Variants in AKNAD1 observed in about 807,000 individuals in gnomAD.
The protein encoded by AKNAD1 is protein AKNAD1.
Under a neutral mutation model 90.8 loss-of-function variants are expected in AKNAD1, and 67 were observed. The observed-to-expected ratio is 0.74, with a 90% CI of 0.61 to 0.90. The LOEUF (loss-of-function observed/expected upper bound fraction) is 0.90. AKNAD1 is among the 40% of genes least tolerant of loss of function. The pLI is 0.00. For synonymous variants in AKNAD1, 327 were observed against 341.4 expected (o/e 0.96, Z 0.46); for missense variants, 957 against 975.4 (o/e 0.98, Z 0.25).
At chr1:108,823,805 A>G (rs1284979509) in intron 11 of AKNAD1, 117 bp from the exon 12 acceptor site, 1 of 1,497,804 alleles carries the variant, frequency 6.7e-7, no homozygotes. Flanking sequence ...CAAAGTGCTT[A>G]ATGTCCCGGC....
At chr1:108,850,562 G>A (rs1333241177) in intron 2 of AKNAD1, among the ~76,000 whole-genome samples, 2 of 152,100 alleles carry the variant, frequency 1.3e-5, no homozygotes, top group Admixed American at 1.3e-4. Flanking sequence ...TGGATGTAGG[G>A]GGTTCTGCTC....
intron 5 of AKNAD1, among the ~76,000 whole-genome samples, chr1:108,844,358 ATC>A (rs1196254369): frequency 1.4e-5 from 2 of 143,410 alleles, no homozygotes; most frequent in Non-Finnish European, 3.0e-5. Flanking sequence ...GCGAGACTCC[ATC>A]TCTCTCTCTC....
In AKNAD1 at chr1:108,852,687, C is replaced by A; in HGVS notation, c.-23G>T. On this transcript the variant is annotated 5_prime_UTR_variant, in exon 2 of 16. Coordinates refer to ENST00000370001, the MANE Select transcript of AKNAD1 (RefSeq NM_152763.5). ...CATGTGTGTGCAGCCCGATCGCTCT[C>A]GTCCTCTGCCTCCTGAGCTGGCTGC... 1 of 1,535,494 alleles carries A rather than the reference C, an allele frequency of 6.5e-7. No homozygotes were observed. The highest frequency in any genetic ancestry group is 8.7e-7 in the Non-Finnish European group (1 of 1,146,822).
intron 10 of AKNAD1, among the ~76,000 whole-genome samples, chr1:108,828,114 A>T (rs1219947071): frequency 2.7e-5 from 4 of 149,404 alleles, no homozygotes; most frequent in Middle Eastern, 6.8e-3. Context: ...AAACAAACAA[A>T]CAAACAGTTC....
At chr1:108,854,955 G>A (rs561701038) in intron 1 of AKNAD1, among the ~76,000 whole-genome samples, 4 of 152,200 alleles carry the variant, frequency 2.6e-5, no homozygotes, top group African/African-American at 9.6e-5. Context: ...TAAAGTACTC[G>A]GCATAGGGCT....
chr1:108,852,060 G>A lies in AKNAD1; in HGVS notation c.605C>T (p.Ala202Val), dbSNP rs2101219346. Reference sequence around the variant, plus strand: ...TTCTTGATGGCTGCTATCTCCAGCAGCCACTGGCCCTTCTAAATCAGAGGT... The same window carrying A: ...TTCTTGATGGCTGCTATCTCCAGCAACCACTGGCCCTTCTAAATCAGAGGT... ...ENTSDLEGPVAAGDSSHQENV... is the reference protein window; with the variant it reads ...ENTSDLEGPVVAGDSSHQENV... The change falls in exon 2 of 16, where the codon GCT becomes GTT. Residue 202 changes from alanine (A) to valine (V), a missense_variant. By Grantham distance (64) the Ala-to-Val change is moderately conservative. Coordinates refer to ENST00000370001, the MANE Select transcript of AKNAD1 (RefSeq NM_152763.5). 2 of 1,614,152 alleles carry A rather than the reference G, an allele frequency of 1.2e-6. No homozygotes were observed. The highest frequency in any genetic ancestry group is 4.5e-5 in the East Asian group (2 of 44,880).
intron 13 of AKNAD1, among the ~76,000 whole-genome samples, chr1:108,820,882 A>G (rs1473889927): frequency 3.3e-5 from 5 of 151,942 alleles, no homozygotes; most frequent in African/African-American, 1.2e-4. Flanking sequence ...CCCTGTCTCT[A>G]CAAAAAAAAA....
At chr1:108,839,471 T>TAAAAAAAAAAAAAAAAAAAA (rs3044857) in intron 6 of AKNAD1, among the ~76,000 whole-genome samples, 1 of 126,148 alleles carries the variant, frequency 7.9e-6, no homozygotes. Flanking sequence ...TCCGTCTCAA[T>TAAAAAAAAAAAAAAAAAAAA]AAAAAAAAAA....
rs1212270638 is a variant in AKNAD1 at position 108,834,430 on chromosome 1, C to T, written c.1746+17G>A. The T allele has an allele frequency of 5.7e-6, 9 of 1,592,654 alleles. No individual in the cohort carries two copies. The highest frequency in any genetic ancestry group is 1.7e-4 in the Middle Eastern group (1 of 6,042). On this transcript the variant is annotated intron_variant, in intron 9 of 15. Coordinates refer to ENST00000370001, the MANE Select transcript of AKNAD1 (RefSeq NM_152763.5). ...CAATGAGAAGAACCCAGCCAGGCCCCGGCTGCAGGACATTACCCCAGAGTT... is the reference window on the plus strand; with the variant it reads ...CAATGAGAAGAACCCAGCCAGGCCCTGGCTGCAGGACATTACCCCAGAGTT...
rs1664790682 is a variant in AKNAD1, at chr1:108,849,543, G to A, written c.1027C>T (p.Leu343Phe). 1 of 1,587,090 alleles carries A rather than the reference G, an allele frequency of 6.3e-7. No homozygotes were observed. Residue 343 changes from leucine (L) to phenylalanine (F), a missense_variant, in exon 3 of 16, where the codon CTC (leucine) becomes TTC (phenylalanine). Coordinates refer to ENST00000370001, the MANE Select transcript of AKNAD1 (RefSeq NM_152763.5). The stretch of plus-strand genomic sequence containing the variant: ...AGTTTTAAAACATTAGTACCTGTGA[G>A]AAGTTCTTGGTGGATATGTACTATG... ...EPIVHIHQEL[L>F]TGIESEASLS... is the part of the protein sequence containing the mutation.
intron 6 of AKNAD1, among the ~76,000 whole-genome samples, chr1:108,839,471 T>TAAAAAAAAAAAGAAAAAAAAAAAAA (rs1553203224): frequency 7.9e-6 from 1 of 126,166 alleles, no homozygotes; most frequent in Non-Finnish European, 1.6e-5. Flanking sequence ...TCCGTCTCAA[T>TAAAAAAAAAAAGAAAAAAAAAAAAA]AAAAAAAAAA....
chr1:108,827,175 T>G (rs11102506), intron 11 of AKNAD1, 30 bp downstream of exon 11: 937,217 of 1,558,546 alleles, frequency 0.6, 291,426 homozygotes, highest in African/African-American at 0.64. Context: ...CACTGAAAAA[T>G]GAGCACCCAG....
intron 14 of AKNAD1, among the ~76,000 whole-genome samples, chr1:108,819,258 C>T (rs1663732436): frequency 6.6e-6 from 1 of 152,072 alleles, no homozygotes; most frequent in African/African-American, 2.4e-5. Flanking sequence ...AATTCGTTTC[C>T]ACTCCTTCAG....
At position 108,835,178 on chromosome 1, in the gene AKNAD1, C is replaced by A. The variant is rs141888782; in HGVS notation, c.1537-122G>T. On this transcript the variant is annotated intron_variant, in intron 7 of 15. Coordinates refer to ENST00000370001, the MANE Select transcript of AKNAD1 (RefSeq NM_152763.5). Reference sequence around the variant, plus strand: ...CATAACATCCTGCCTGGCGTCCCCCCACCCCTGTCTCCCCCAGCTCTTTAC... The same window carrying A: ...CATAACATCCTGCCTGGCGTCCCCCAACCCCTGTCTCCCCCAGCTCTTTAC... 4.3e-4 allele frequency: 470 copies of A among 1,098,956 alleles called. 5 individuals are homozygous for A. In the African/African-American group the frequency reaches 5.8e-3, roughly 14 times the overall value. 68.1% of individuals were successfully genotyped at this position (1,098,956 alleles called of 1,614,324 possible).
chr1:108,831,953 T>C (rs2101181082), intron 9 of AKNAD1, among the ~76,000 whole-genome samples: 1 of 151,712 alleles, frequency 6.6e-6, no homozygotes, highest in South Asian at 2.1e-4. Flanking sequence ...TTGTGACTTT[T>C]TAGCTCATGT....
chr1:108,829,333 C>G (rs149988742), intron 10 of AKNAD1, among the ~76,000 whole-genome samples: 1 of 149,724 alleles, frequency 6.7e-6, no homozygotes, highest in East Asian at 2.0e-4. Flanking sequence ...ACTTAATGTA[C>G]TTCTGTAGGG....
chr1:108,819,619 AT>A (rs869092407), intron 14 of AKNAD1, among the ~76,000 whole-genome samples: 8 of 148,420 alleles, frequency 5.4e-5, no homozygotes, highest in Middle Eastern at 3.5e-3. Context: ...CTCAAAAAAA[AT>A]TTTTTTTTAA....
At chr1:108,823,259 G>T in intron 13 of AKNAD1, 111 bp downstream of exon 13, 1 of 881,140 alleles carries the variant, frequency 1.1e-6, no homozygotes, top group Non-Finnish European at 1.9e-6. Context: ...GCAGCAAAAT[G>T]GAGAGGCCAG....
intron 11 of AKNAD1, among the ~76,000 whole-genome samples, chr1:108,825,739 G>A (rs964262854): frequency 8.9e-5 from 12 of 135,524 alleles, no homozygotes; most frequent in African/African-American, 2.8e-4. Context: ...AAAACTAAAT[G>A]AGCAGTTCCA....
Sources: gnomAD v4.1 joint callset for allele counts (sites outside exome capture counted in the v4.1 genomes callset) on GRCh38, gnomAD v4.1.1 for gene constraint, MANE v1.5 for transcripts, NCBI Gene and HGNC (gene_info 2026-07-23, HGNC 2026-07-21) for gene names.